The following GHR variants were observed in gnomAD, a reference collection of about 807,000 sequenced individuals.
The protein encoded by GHR is growth hormone receptor.
In GHR, 35 loss-of-function variants were observed where a neutral mutation model predicts 67.1. The ratio of observed to expected loss-of-function variants is 0.52; its 90% CI spans 0.40 to 0.69. The LOEUF (loss-of-function observed/expected upper bound fraction) is 0.69. GHR is among the 30% of genes least tolerant of loss of function. The pLI, the probability that GHR is intolerant of heterozygous loss-of-function variation, is 0.00. For missense variants in GHR, 792 were observed against 764.6 expected (o/e 1.04, Z -0.42); for synonymous variants, 272 against 269.1 (o/e 1.01, Z -0.10).
Position 42,718,983 on chromosome 5 carries a change from C to T in GHR, c.1476C>T (p.Asp492=). Residue 492 remains aspartate, a synonymous_variant, in exon 10 of 10, where the codon GAC becomes GAT. Transcript: ENST00000230882. The part of the protein sequence containing the change: ...SNIDFYAQVS[D]ITPAGSVVLS... ...TCGACTTTTATGCCCAGGTGAGCGA[C>T]ATTACACCAGCAGGTAGTGTGGTCC... is the stretch of plus-strand genomic sequence containing the variant. 2 of 1,611,304 alleles carry T rather than the reference C, an allele frequency of 1.2e-6. No homozygotes were observed. Among genetic ancestry groups the T allele is most frequent in the African/African-American group, 1.3e-5 (1 of 74,934 alleles).
chr5:42,551,106 C>T (rs1749007395), intron 1 of GHR, among the ~76,000 whole-genome samples: 1 of 152,182 alleles, frequency 6.6e-6, no homozygotes, highest in Non-Finnish European at 1.5e-5. Context: ...TGTTTCTGCT[C>T]ATTTATCAAA....
chr5:42,432,442 G>C (rs1321315168), intron 1 of GHR, among the ~76,000 whole-genome samples: 2 of 152,146 alleles, frequency 1.3e-5, no homozygotes, highest in Non-Finnish European at 2.9e-5. Flanking sequence ...ATTCAATTTT[G>C]ATTGCCATTG....
intron 3 of GHR, among the ~76,000 whole-genome samples, chr5:42,675,003 G>T (rs1159173005): frequency 6.6e-6 from 1 of 151,944 alleles, no homozygotes; most frequent in East Asian, 1.9e-4. Flanking sequence ...ACATCCTCTT[G>T]CTTTCTATTT....
At chr5:42,499,886 C>T (rs57953252) in intron 1 of GHR, among the ~76,000 whole-genome samples, 1 of 152,214 alleles carries the variant, frequency 6.6e-6, no homozygotes, top group African/African-American at 2.4e-5. Context: ...TGGAAGGTCA[C>T]ATAAATGTGT....
chr5:42,680,157 T>C (rs1158717150), intron 3 of GHR, among the ~76,000 whole-genome samples: 2 of 152,260 alleles, frequency 1.3e-5, no homozygotes, highest in Admixed American at 1.3e-4. Flanking sequence ...ATCTCTTGTT[T>C]ATTATTTGTG....
intron 8 of GHR, 48 bp downstream of exon 8, chr5:42,713,567 T>C (rs1758577783): frequency 1.2e-6 from 1 of 834,658 alleles, no homozygotes; most frequent in Non-Finnish European, 2.1e-6. Context: ...GTTGTTTAGA[T>C]TTCCATATGT....
At chr5:42,552,226 A>T (rs1247199854) in intron 1 of GHR, among the ~76,000 whole-genome samples, 3 of 152,244 alleles carry the variant, frequency 2.0e-5, no homozygotes, top group African/African-American at 7.2e-5. Context: ...GAGGACTGAA[A>T]ACAAGCTCTT....
intron 2 of GHR, among the ~76,000 whole-genome samples, chr5:42,582,797 G>A (rs186981215): frequency 6.6e-6 from 1 of 152,352 alleles, no homozygotes; most frequent in East Asian, 1.9e-4. Context: ...GTTGCCCACG[G>A]TGGAAGCCAT....
At chr5:42,711,669 T>C (rs1758466299) in intron 7 of GHR, among the ~76,000 whole-genome samples, 2 of 152,138 alleles carry the variant, frequency 1.3e-5, no homozygotes, top group East Asian at 3.8e-4. Context: ...TTTCTTTATA[T>C]ATTTTTATAT....
intron 3 of GHR, among the ~76,000 whole-genome samples, chr5:42,684,112 T>C (rs1393598848): frequency 6.6e-6 from 1 of 152,214 alleles, no homozygotes; most frequent in Non-Finnish European, 1.5e-5. Context: ...GGTGTTCTAT[T>C]GTTGTTTCAA....
rs151082854 is a variant in GHR, at chr5:42,719,767, G to A, written c.*343G>A. On this transcript the variant is annotated 3_prime_UTR_variant, in exon 10 of 10. Coordinates refer to ENST00000230882, the MANE Select transcript of GHR (RefSeq NM_000163.5). ...AGTAAATCACGCTTTTTGAAAAAGC[G>A]AAAAAATCAGGTGGCTTTTGCGGTT... is the stretch of plus-strand genomic sequence containing the variant. 50 of 300,386 alleles carry A rather than the reference G, an allele frequency of 1.7e-4. No homozygotes were observed. The highest frequency in any genetic ancestry group is 3.5e-4 in the African/African-American group (16 of 46,252). 18.6% of individuals were successfully genotyped at this position (300,386 alleles called of 1,614,324 possible). A position where few individuals can be genotyped will look rare whatever the true frequency, so the allele number is the denominator to read the frequency against.
At chr5:42,587,811 C>G (rs1751561764) in intron 2 of GHR, among the ~76,000 whole-genome samples, 1 of 152,148 alleles carries the variant, frequency 6.6e-6, no homozygotes, top group Admixed American at 6.5e-5. Flanking sequence ...CTCCCCGGAG[C>G]TGAACCGTGT....
intron 2 of GHR, among the ~76,000 whole-genome samples, chr5:42,570,095 G>A (rs1458778123): frequency 1.3e-5 from 2 of 152,070 alleles, no homozygotes; most frequent in Non-Finnish European, 2.9e-5. Context: ...GCTCTGAGAG[G>A]ATGTCAAGAC....
intron 1 of GHR, among the ~76,000 whole-genome samples, chr5:42,431,098 C>A (rs766098789): frequency 6.6e-6 from 1 of 151,982 alleles, no homozygotes. Flanking sequence ...TTGTTTGAAT[C>A]CATTTAATTA....
chr5:42,712,678 G>C (rs1317632416), intron 7 of GHR, among the ~76,000 whole-genome samples: 1 of 151,870 alleles, frequency 6.6e-6, no homozygotes, highest in Non-Finnish European at 1.5e-5. Flanking sequence ...CTGCCTCTGT[G>C]GTAAGAATAC....
intron 2 of GHR, among the ~76,000 whole-genome samples, chr5:42,570,156 A>C (rs1750208800): frequency 6.6e-6 from 1 of 152,230 alleles, no homozygotes; most frequent in South Asian, 2.1e-4. Context: ...CAGTTAGTAA[A>C]CAGTAATGAA....
rs68150223 is a variant in GHR at position 42,567,767 on chromosome 5, CTGTGTGTGTGTGTG to C, written c.70+1857_70+1870del. Among the ~76,000 whole-genome samples the C allele has an allele frequency of 6.7e-4, 95 of 140,812 alleles. 2 individuals carry two copies. In the South Asian group the frequency reaches 0.011, roughly 16 times the overall value. The allele number at this position is 140,812 out of a possible 152,430, so 92.4% of individuals were successfully genotyped here. A position where few individuals can be genotyped will look rare whatever the true frequency, so the allele number is the denominator to read the frequency against. ...CCAGTGTGTGTGTGCATGCTTGGCTCTGTGTGTGTGTGTGTGTGTGTGTGTGTGTGTGTGTGTGT... is the reference window on the plus strand; with the variant it reads ...CCAGTGTGTGTGTGCATGCTTGGCTCTGTGTGTGTGTGTGTGTGTGTGTGT... On this transcript the variant is annotated intron_variant, in intron 2 of 9. Transcript: ENST00000230882.
chr5:42,453,865 G>A (rs1434599804), intron 1 of GHR, among the ~76,000 whole-genome samples: 2 of 152,130 alleles, frequency 1.3e-5, no homozygotes, highest in South Asian at 2.1e-4. Context: ...TTGCCTATTG[G>A]GGTATAGGTG....
chr5:42,455,986 A>C (rs1047243843), intron 1 of GHR, among the ~76,000 whole-genome samples: 1 of 152,224 alleles, frequency 6.6e-6, no homozygotes, highest in African/African-American at 2.4e-5. Context: ...CTTTGGCTGT[A>C]TATTAGAATT....
Sources: allele counts gnomAD v4.1 joint callset (sites outside exome capture counted in the v4.1 genomes callset), GRCh38; gene constraint gnomAD v4.1.1; transcripts MANE v1.5; gene names NCBI Gene and HGNC (gene_info 2026-07-23, HGNC 2026-07-21).